The following SNX6 variants were observed in gnomAD, a reference collection of about 807,000 sequenced individuals.
The protein encoded by SNX6 is sorting nexin 6.
SNX6 carries 34 observed loss-of-function variants against 63.0 expected under a neutral mutation model. The observed-to-expected ratio is 0.54, with a 90% CI of 0.41 to 0.72. SNX6 has a LOEUF of 0.72. SNX6 is among the 30% of genes least tolerant of loss of function. The pLI is 0.00. For synonymous variants in SNX6, 170 were observed against 164.2 expected (o/e 1.04, Z -0.27); for missense variants, 398 against 471.4 (o/e 0.84, Z 1.44).
intron 2 of SNX6, among the ~76,000 whole-genome samples, chr14:34,616,101 A>G (rs796505087): frequency 2.0e-5 from 3 of 152,216 alleles, no homozygotes; most frequent in African/African-American, 7.2e-5. Context: ...GATTACAGGC[A>G]TGTGCCACCA....
chr14:34,608,070 T>G lies in SNX6; in HGVS notation c.230A>C (p.His77Pro). The G allele has an allele frequency of 6.2e-7, 1 of 1,609,564 alleles. No homozygotes were observed. The highest frequency in any genetic ancestry group is 8.5e-7 in the Non-Finnish European group (1 of 1,177,116). The stretch of plus-strand genomic sequence containing the variant: ...GTCTTCATTTTCAACAAAGGAATCA[T>G]GAAGCCAGATAAATTCCTCATGTTG... Reference protein sequence around the residue: ...VRQHEEFIWLHDSFVENEDYA... With the variant: ...VRQHEEFIWLPDSFVENEDYA... Residue 77 changes from histidine to proline, a missense_variant, in exon 4 of 14, where the codon CAT (histidine) becomes CCT (proline). His to Pro is a moderately conservative substitution (Grantham distance 77). Coordinates refer to ENST00000362031, the MANE Select transcript of SNX6 (RefSeq NM_152233.4).
intron 6 of SNX6, among the ~76,000 whole-genome samples, chr14:34,601,322 G>A (rs1163418942): frequency 6.7e-6 from 1 of 150,314 alleles, no homozygotes; most frequent in Admixed American, 6.6e-5. Context: ...GCCTCCCGGG[G>A]TCAAGCGATT....
At chr14:34,619,156 G>T (rs1005500684) in intron 2 of SNX6, among the ~76,000 whole-genome samples, 5 of 152,188 alleles carry the variant, frequency 3.3e-5, no homozygotes, top group Admixed American at 1.3e-4. Flanking sequence ...AGGCGCAGTG[G>T]CTTATGCCTG....
In SNX6 at chr14:34,562,953, A is replaced by G. The variant is rs1594683468; in HGVS notation, c.*169T>C. Reference sequence around the variant, plus strand: ...GCGGCATCACGGCACACAGACTGGCATCGCCTGGGCGTGCGCTGCTCCATG... The same window carrying G: ...GCGGCATCACGGCACACAGACTGGCGTCGCCTGGGCGTGCGCTGCTCCATG... On this transcript the variant is annotated 3_prime_UTR_variant, in exon 14 of 14. Coordinates refer to ENST00000362031, the MANE Select transcript of SNX6 (RefSeq NM_152233.4). 5 of 649,674 alleles carry G rather than the reference A, an allele frequency of 7.7e-6. No homozygotes were observed. Among genetic ancestry groups the G allele is most frequent in the Non-Finnish European group, 2.7e-6 (1 of 368,864 alleles). 40.2% of individuals were successfully genotyped at this position (649,674 alleles called of 1,614,324 possible).
At chr14:34,596,097 G>GT (rs930864662) in intron 7 of SNX6, among the ~76,000 whole-genome samples, 1 of 151,846 alleles carries the variant, frequency 6.6e-6, no homozygotes, top group African/African-American at 2.4e-5. Context: ...GCGGGCACCT[G>GT]TAGTCCCAGC....
intron 10 of SNX6, among the ~76,000 whole-genome samples, chr14:34,577,455 G>A (rs1304631955): frequency 6.6e-6 from 1 of 152,150 alleles, no homozygotes; most frequent in Non-Finnish European, 1.5e-5. Flanking sequence ...TGCAATGGTA[G>A]ACTAGGTAAT....
In SNX6 at chr14:34,568,028, G is replaced by A; in HGVS notation, c.922-15C>T. On this transcript the variant is annotated splice_polypyrimidine_tract_variant and intron_variant, in intron 11 of 13. Coordinates refer to ENST00000362031, the MANE Select transcript of SNX6 (RefSeq NM_152233.4). ...TACAGGAGATCCTATAAAACAGAATGCTTCACAATAGTATATATACTGCAT... is the reference window on the plus strand; with the variant it reads ...TACAGGAGATCCTATAAAACAGAATACTTCACAATAGTATATATACTGCAT... 3.7e-6 allele frequency: 6 copies of A among 1,607,050 alleles called. No individual in the cohort carries two copies. Among genetic ancestry groups the A allele is most frequent in the Non-Finnish European group, 5.1e-6 (6 of 1,177,818 alleles).
At chr14:34,579,862 C>T (rs897234881) in intron 10 of SNX6, among the ~76,000 whole-genome samples, 2 of 151,232 alleles carry the variant, frequency 1.3e-5, no homozygotes, top group African/African-American at 4.9e-5. Context: ...ATACATGTTG[C>T]ACATGCATTT....
chr14:34,619,099 G>A (rs1883529631), intron 2 of SNX6, among the ~76,000 whole-genome samples: 1 of 152,142 alleles, frequency 6.6e-6, no homozygotes, highest in African/African-American at 2.4e-5. Context: ...GGTAATTACA[G>A]TATGATCAAT....
chr14:34,576,089 AT>A (rs1167216808), intron 10 of SNX6, among the ~76,000 whole-genome samples: 4 of 150,250 alleles, frequency 2.7e-5, no homozygotes, highest in Admixed American at 6.7e-5. Context: ...ACGCCCGGCT[AT>A]TTTTTTTGTA....
intron 2 of SNX6, chr14:34,629,484 G>T (rs1167834402): frequency 2.1e-6 from 1 of 479,374 alleles, no homozygotes; most frequent in Non-Finnish European, 4.1e-6. Context: ...AGACAGAAGG[G>T]TGGGCGGGAG....
At chr14:34,628,931 A>G (rs1883930001) in intron 2 of SNX6, among the ~76,000 whole-genome samples, 1 of 152,010 alleles carries the variant, frequency 6.6e-6, no homozygotes, top group African/African-American at 2.4e-5. Context: ...GCCAAGGAAA[A>G]AGGGGGTGGA....
intron 11 of SNX6, among the ~76,000 whole-genome samples, chr14:34,571,455 C>T (rs1881449294): frequency 6.6e-6 from 1 of 151,544 alleles, no homozygotes; most frequent in South Asian, 2.1e-4. Context: ...CAACAAAAAA[C>T]GGAAAGACAC....
At chr14:34,613,503 C>T (rs1883307042) in intron 2 of SNX6, among the ~76,000 whole-genome samples, 1 of 152,076 alleles carries the variant, frequency 6.6e-6, no homozygotes, top group Admixed American at 6.6e-5. Flanking sequence ...GTTAAAAATA[C>T]AGAATCTGGC....
chr14:34,578,461 T>C (rs1800293820), intron 10 of SNX6, among the ~76,000 whole-genome samples: 1 of 150,454 alleles, frequency 6.6e-6, no homozygotes, highest in Non-Finnish European at 1.5e-5. Context: ...GTGAAACCCA[T>C]CTCTACTAAA....
chr14:34,570,146 G>A (rs1050245121), intron 11 of SNX6, among the ~76,000 whole-genome samples: 13 of 151,562 alleles, frequency 8.6e-5, no homozygotes, highest in African/African-American at 2.9e-4. Flanking sequence ...TCAGCTCACC[G>A]CAACCTCTGC....
intron 13 of SNX6, among the ~76,000 whole-genome samples, chr14:34,565,320 G>A (rs1200248079): frequency 2.0e-5 from 3 of 151,420 alleles, no homozygotes; most frequent in East Asian, 1.9e-4. Context: ...CTCGTGATCT[G>A]CCCGCCTTGG....
intron 6 of SNX6, among the ~76,000 whole-genome samples, chr14:34,601,219 CT>C (rs77009422): frequency 1.3e-3 from 183 of 142,510 alleles, no homozygotes; most frequent in Middle Eastern, 3.8e-3. Context: ...AACCCTATTT[CT>C]TTTTTTTTTT....
chr14:34,565,243 A>C (rs529148273), intron 13 of SNX6, among the ~76,000 whole-genome samples: 7 of 150,828 alleles, frequency 4.6e-5, no homozygotes, highest in African/African-American at 1.7e-4. Flanking sequence ...ACGCCCGGCT[A>C]ATTTTTTGTA....
Sources: gnomAD v4.1 joint callset for allele counts (sites outside exome capture counted in the v4.1 genomes callset) on GRCh38, gnomAD v4.1.1 for gene constraint, MANE v1.5 for transcripts, NCBI Gene and HGNC (gene_info 2026-07-23, HGNC 2026-07-21) for gene names.